HS3ST2: variants seen among roughly 807,000 people sequenced by gnomAD.
The protein encoded by HS3ST2 is heparan sulfate-glucosamine 3-sulfotransferase 2, also known as heparan sulfate glucosamine 3-O-sulfotransferase 2.
A neutral mutation model predicts 26.3 loss-of-function variants in HS3ST2; 17 were observed. The observed-to-expected ratio is 0.65, with a 90% CI of 0.44 to 0.97. The LOEUF is 0.97. HS3ST2 is among the 50% of genes least tolerant of loss of function. HS3ST2 has a pLI of 0.00. For missense variants in HS3ST2, 402 were observed against 501.2 expected (o/e 0.80, Z 1.89); for synonymous variants, 237 against 219.2 (o/e 1.08, Z -0.72).
At chr16:22,833,853 G>T (rs757494738) in intron 1 of HS3ST2, among the ~76,000 whole-genome samples, 1 of 151,322 alleles carries the variant, frequency 6.6e-6, no homozygotes, top group African/African-American at 2.4e-5. Context: ...AGATATTCAC[G>T]TGGCAGAATC....
At chr16:22,837,216 T>C (rs1901270615) in intron 1 of HS3ST2, among the ~76,000 whole-genome samples, 1 of 151,824 alleles carries the variant, frequency 6.6e-6, no homozygotes, top group Admixed American at 6.6e-5. Flanking sequence ...ACCTATGTCC[T>C]CCTGGGCAAC....
intron 1 of HS3ST2, among the ~76,000 whole-genome samples, chr16:22,848,424 G>A (rs1349833530): frequency 1.3e-5 from 2 of 152,140 alleles, no homozygotes; most frequent in African/African-American, 4.8e-5. Flanking sequence ...TAGGTGTTCT[G>A]TCAAGATTTT....
intron 1 of HS3ST2, chr16:22,833,374 T>C (rs3845198): frequency 0.34 from 149,552 of 443,394 alleles, 26,637 homozygotes; most frequent in African/African-American, 0.49. Flanking sequence ...CTTGCTAAAC[T>C]GTGGATGATA....
At chr16:22,862,557 T>G (rs1483645405) in intron 1 of HS3ST2, among the ~76,000 whole-genome samples, 1 of 152,204 alleles carries the variant, frequency 6.6e-6, no homozygotes, top group East Asian at 1.9e-4. Context: ...TCAGAGCATT[T>G]GATGTGTGGG....
At chr16:22,896,662 C>T (rs991879888) in intron 1 of HS3ST2, among the ~76,000 whole-genome samples, 1 of 152,314 alleles carries the variant, frequency 6.6e-6, no homozygotes, top group Non-Finnish European at 1.5e-5. Flanking sequence ...CTGCTGTCAG[C>T]GTAGTTGTGT....
chr16:22,838,253 A>G (rs947778233), intron 1 of HS3ST2, among the ~76,000 whole-genome samples: 1 of 152,020 alleles, frequency 6.6e-6, no homozygotes, highest in African/African-American at 2.4e-5. Context: ...CCTGAGCTCA[A>G]AGGGGGCTGA....
intron 1 of HS3ST2, among the ~76,000 whole-genome samples, chr16:22,841,487 C>T (rs1901355825): frequency 6.6e-6 from 1 of 152,190 alleles, no homozygotes; most frequent in Non-Finnish European, 1.5e-5. Context: ...TACTTATATC[C>T]TTTAGTGGTT....
intron 1 of HS3ST2, among the ~76,000 whole-genome samples, chr16:22,820,491 A>T (rs1308856819): frequency 1.3e-5 from 2 of 152,370 alleles, no homozygotes; most frequent in African/African-American, 4.8e-5. Flanking sequence ...GTGGCTGAGG[A>T]GGCCTCACAA....
At chr16:22,872,551 T>C (rs987462416) in intron 1 of HS3ST2, among the ~76,000 whole-genome samples, 1 of 152,318 alleles carries the variant, frequency 6.6e-6, no homozygotes, top group African/African-American at 2.4e-5. Context: ...TTGTTAATGA[T>C]CAGCTGGAAA....
In HS3ST2 at chr16:22,814,666, G is replaced by A. The variant is rs1900826614; in HGVS notation, c.56G>A (p.Arg19Lys). 2 of 1,580,770 alleles carry A rather than the reference G, an allele frequency of 1.3e-6. No homozygotes were observed. The highest frequency in any genetic ancestry group is 1.2e-5 in the South Asian group (1 of 86,442). Residue 19 changes from arginine (R) to lysine (K), a missense_variant, in exon 1 of 2, where the codon AGG becomes AAG. By Grantham distance (26) the Arg-to-Lys change is conservative. This residue lies in a region of HS3ST2 where 165 missense variants were observed against 154.6 expected (regional missense o/e 1.07). Coordinates refer to ENST00000261374, the MANE Select transcript of HS3ST2 (RefSeq NM_006043.2). ...CCACCTCAGCCGCGGAGGGCGCGCA[G>A]GCTGCTCTTCGCCTTCACGCTCTCG... ...AGPPQPRRAR[R>K]LLFAFTLSLS...
At chr16:22,867,193 T>C (rs1901769301) in intron 1 of HS3ST2, among the ~76,000 whole-genome samples, 1 of 152,208 alleles carries the variant, frequency 6.6e-6, no homozygotes, top group South Asian at 2.1e-4. Context: ...ATTTAACAAA[T>C]AGTGTTGAGA....
chr16:22,873,430 C>T (rs991563464), intron 1 of HS3ST2, among the ~76,000 whole-genome samples: 1 of 152,198 alleles, frequency 6.6e-6, no homozygotes, highest in African/African-American at 2.4e-5. Flanking sequence ...GTTTCTTGGA[C>T]CATTTTCTCA....
intron 1 of HS3ST2, among the ~76,000 whole-genome samples, chr16:22,821,206 A>G (rs754141291): frequency 3.3e-5 from 5 of 152,238 alleles, no homozygotes; most frequent in Middle Eastern, 3.4e-3. Context: ...GATGGTGGGC[A>G]TGTCCTTCAT....
At chr16:22,871,095 T>C (rs1479561029) in intron 1 of HS3ST2, among the ~76,000 whole-genome samples, 1 of 152,178 alleles carries the variant, frequency 6.6e-6, no homozygotes, top group Non-Finnish European at 1.5e-5. Flanking sequence ...CAGTGGCTCA[T>C]GCCTGTAATC....
At chr16:22,849,668 G>A (rs993478581) in intron 1 of HS3ST2, among the ~76,000 whole-genome samples, 3 of 152,186 alleles carry the variant, frequency 2.0e-5, no homozygotes, top group African/African-American at 7.2e-5. Context: ...AAGGAATGGA[G>A]TAAATTGCGC....
In HS3ST2 at chr16:22,849,088, C is replaced by T. The variant is rs139366062; in HGVS notation, c.485+33993C>T. Among the ~76,000 whole-genome samples, 54 of 152,164 alleles carry T rather than the reference C, an allele frequency of 3.5e-4. No individual in the cohort carries two copies. In the East Asian group the frequency reaches 7.1e-3, roughly 20 times the overall value. ...TGCCTTGTTTTTCGCATCTAAGAAACGGGAATGATCTTCCGTGTGGCATGT... is the reference window on the plus strand; with the variant it reads ...TGCCTTGTTTTTCGCATCTAAGAAATGGGAATGATCTTCCGTGTGGCATGT... On this transcript the variant is annotated intron_variant, in intron 1 of 1. Transcript: ENST00000261374.
intron 1 of HS3ST2, among the ~76,000 whole-genome samples, chr16:22,862,864 C>T (rs1489131110): frequency 6.6e-6 from 1 of 152,206 alleles, no homozygotes; most frequent in Admixed American, 6.5e-5. Flanking sequence ...TTGTTCACTG[C>T]TTATGTCTTC....
At chr16:22,883,228 G>A (rs1462974474) in intron 1 of HS3ST2, among the ~76,000 whole-genome samples, 2 of 152,178 alleles carry the variant, frequency 1.3e-5, no homozygotes, top group African/African-American at 4.8e-5. Flanking sequence ...AGAAGCTCAG[G>A]AAGTGTCCCA....
At chr16:22,896,148 C>A (rs1000189116) in intron 1 of HS3ST2, among the ~76,000 whole-genome samples, 1 of 152,082 alleles carries the variant, frequency 6.6e-6, no homozygotes, top group African/African-American at 2.4e-5. Flanking sequence ...ACATTAGAAG[C>A]TACATGTATT....
Sources: allele counts gnomAD v4.1 joint callset (sites outside exome capture counted in the v4.1 genomes callset), GRCh38; gene constraint gnomAD v4.1.1; regional missense constraint gnomAD v4.1.1; transcripts MANE v1.5; gene names NCBI Gene and HGNC (gene_info 2026-07-23, HGNC 2026-07-21).